RAB22A: variants seen among roughly 807,000 people sequenced by gnomAD.
The protein encoded by RAB22A is ras-related protein Rab-22A.
Under a neutral mutation model 30.2 loss-of-function variants are expected in RAB22A, and 13 were observed. That is an observed-to-expected ratio of 0.43 (90% CI 0.28 to 0.68). The LOEUF (loss-of-function observed/expected upper bound fraction) is 0.68. RAB22A is among the 30% of genes least tolerant of loss of function. The pLI is 0.18. For missense variants in RAB22A, 177 were observed against 246.8 expected, an observed-to-expected ratio of 0.72 and a Z score of 1.89; for synonymous variants, 89 against 87.2, an observed-to-expected ratio of 1.02 and a Z score of -0.11.
rs1410360622 is a variant in RAB22A, at chr20:58,362,387, T to C, written c.*2684T>C. On this transcript the variant is annotated 3_prime_UTR_variant, in exon 7 of 7. Transcript: ENST00000244040. ...ATATTTTCTTTATAATAATTTCTTA[T>C]GGAGAAGAGGCTATATTTCAAAGGA... 6.6e-6 allele frequency: 1 copy of C among 152,248 alleles called. No homozygotes were observed. Among genetic ancestry groups the C allele is most frequent in the East Asian group, 1.9e-4 (1 of 5,200 alleles). 9.4% of individuals were successfully genotyped at this position (152,248 alleles called of 1,614,324 possible). A position where few individuals can be genotyped will look rare whatever the true frequency, so the allele number is the denominator to read the frequency against.
At chr20:58,357,868 G>C (rs1342879176) in intron 6 of RAB22A, among the ~76,000 whole-genome samples, 14 of 152,230 alleles carry the variant, frequency 9.2e-5, no homozygotes, top group Admixed American at 9.2e-4. Flanking sequence ...AGTCAGCGGA[G>C]AGGCCATCTT....
rs779470714 is a variant in RAB22A at position 58,354,190 on chromosome 20, G to A, written c.412G>A (p.Asp138Asn). The part of the protein sequence containing the change: ...VMERDAKDYA[D>N]SIHAIFVETS... ...GGAGAGAGATGCAAAGGACTACGCCGACTCTATTCATGCAATTTTTGTAGA... is the reference window on the plus strand; with the variant it reads ...GGAGAGAGATGCAAAGGACTACGCCAACTCTATTCATGCAATTTTTGTAGA... Residue 138 changes from aspartate (D) to asparagine (N), a missense_variant, in exon 6 of 7, where the codon GAC becomes AAC. By Grantham distance (23) the Asp-to-Asn change is conservative. Transcript: ENST00000244040. 1.1e-5 allele frequency: 17 copies of A among 1,613,534 alleles called. No homozygotes were observed. The highest frequency in any genetic ancestry group is 1.7e-5 in the Admixed American group (1 of 59,964).
chr20:58,320,827 G>A (rs968965739), intron 2 of RAB22A, among the ~76,000 whole-genome samples: 2 of 152,180 alleles, frequency 1.3e-5, no homozygotes, highest in East Asian at 1.9e-4. Context: ...AGGCCAAAGC[G>A]GGTGGATCAC....
At position 58,311,125 on chromosome 20, in the gene RAB22A, A is replaced by G. The variant is rs765330594; in HGVS notation, c.116+3A>G. On this transcript the variant is annotated splice_donor_region_variant and intron_variant, in intron 2 of 6. Transcript: ENST00000244040. ...CCAAACATCAACCCAACAATAGGGT[A>G]AGAGACTTTTATTTGATACACATCT... 17 of 1,572,748 alleles carry G rather than the reference A, an allele frequency of 1.1e-5. No individual in the cohort carries two copies. Among genetic ancestry groups the G allele is most frequent in the Non-Finnish European group, 1.3e-5 (15 of 1,142,424 alleles).
At chr20:58,323,869 C>A (rs1392656334) in intron 2 of RAB22A, among the ~76,000 whole-genome samples, 1 of 151,804 alleles carries the variant, frequency 6.6e-6, no homozygotes, top group Non-Finnish European at 1.5e-5. Flanking sequence ...TGGCTAATCA[C>A]ATAATTATAC....
intron 6 of RAB22A, among the ~76,000 whole-genome samples, chr20:58,354,902 C>G (rs1051896187): frequency 1.6e-4 from 25 of 152,156 alleles, no homozygotes; most frequent in Non-Finnish European, 7.4e-5. Context: ...CAGAGGGAAA[C>G]AGACAGTGAA....
At chr20:58,354,588 A>G (rs1028599393) in intron 6 of RAB22A, among the ~76,000 whole-genome samples, 1 of 152,204 alleles carries the variant, frequency 6.6e-6, no homozygotes, top group African/African-American at 2.4e-5. Context: ...AACAAAATGA[A>G]TAAAGGGAAA....
intron 1 of RAB22A, among the ~76,000 whole-genome samples, chr20:58,310,269 GC>G (rs1165302789): frequency 6.6e-6 from 1 of 151,618 alleles, no homozygotes; most frequent in South Asian, 2.1e-4. Context: ...AGAGCAAACA[GC>G]CCCCCCTTGC....
rs574122876 is a variant in RAB22A at position 58,327,464 on chromosome 20, G to A, written c.117-16254G>A. On this transcript the variant is annotated intron_variant, in intron 2 of 6. Transcript: ENST00000244040. Reference sequence around the variant, plus strand: ...GTTGGCTGGAGGCCTCAGTTCCACAGTTCTTTGCCCTTTGAGCCTCTCCAT... The same window carrying A: ...GTTGGCTGGAGGCCTCAGTTCCACAATTCTTTGCCCTTTGAGCCTCTCCAT... Among the ~76,000 whole-genome samples, 35 of 152,318 alleles carry A rather than the reference G, an allele frequency of 2.3e-4. 1 individual carries two copies. The South Asian group carries it at 5.8e-3, about 25-fold the overall frequency.
intron 3 of RAB22A, among the ~76,000 whole-genome samples, chr20:58,350,507 A>G (rs1389839220): frequency 6.6e-6 from 1 of 152,256 alleles, no homozygotes; most frequent in African/African-American, 2.4e-5. Context: ...CAAACTGCTG[A>G]AAACCAAAGG....
intron 2 of RAB22A, among the ~76,000 whole-genome samples, chr20:58,314,492 G>A (rs945237919): frequency 2.6e-5 from 4 of 152,222 alleles, no homozygotes; most frequent in Admixed American, 2.6e-4. Context: ...GTAAAGGTGT[G>A]AAGCACCTAG....
chr20:58,351,838 A>G (rs1987055978), intron 3 of RAB22A, among the ~76,000 whole-genome samples: 2 of 152,208 alleles, frequency 1.3e-5, no homozygotes, highest in Admixed American at 6.5e-5. Flanking sequence ...ATCCAAATAT[A>G]TTAGTAAATA....
At chr20:58,349,943 C>T (rs898518132) in intron 3 of RAB22A, among the ~76,000 whole-genome samples, 4 of 152,146 alleles carry the variant, frequency 2.6e-5, no homozygotes, top group Non-Finnish European at 4.4e-5. Context: ...ATTTAAAGCA[C>T]ATATTTTACA....
At chr20:58,332,090 T>C (rs1455565181) in intron 2 of RAB22A, among the ~76,000 whole-genome samples, 1 of 152,176 alleles carries the variant, frequency 6.6e-6, no homozygotes, top group Admixed American at 6.5e-5. Context: ...CTCAGTCCTT[T>C]AAACAATCCA....
Position 58,341,834 on chromosome 20 carries a change from A to G in RAB22A, c.117-1884A>G, listed in dbSNP as rs545201639. Reference sequence around the variant, plus strand: ...TCTCAGCTTTTTGTCTACTTGAAATATATTTCTTCTTCCTTTGAGCAGCCA... The same window carrying G: ...TCTCAGCTTTTTGTCTACTTGAAATGTATTTCTTCTTCCTTTGAGCAGCCA... On this transcript the variant is annotated intron_variant, in intron 2 of 6. Coordinates refer to ENST00000244040, the MANE Select transcript of RAB22A (RefSeq NM_020673.3). 6.6e-5 allele frequency among the ~76,000 whole-genome samples: 10 copies of G among 152,286 alleles called. No individual in the cohort carries two copies. In the South Asian group the frequency reaches 1.9e-3, roughly 28 times the overall value.
chr20:58,315,936 C>T (rs1341826407), intron 2 of RAB22A, among the ~76,000 whole-genome samples: 1 of 152,114 alleles, frequency 6.6e-6, no homozygotes, highest in Non-Finnish European at 1.5e-5. Flanking sequence ...GCAGAGGAAC[C>T]CTTCCCTAGC....
chr20:58,337,382 T>C (rs1214432095), intron 2 of RAB22A, among the ~76,000 whole-genome samples: 1 of 152,104 alleles, frequency 6.6e-6, no homozygotes. Context: ...CCCACCTGAG[T>C]AATACAGGGT....
Position 58,363,978 on chromosome 20 carries a change from C to G in RAB22A, c.*4275C>G, listed in dbSNP as rs1326121892. The G allele has an allele frequency of 6.6e-6, 1 of 152,628 alleles. No individual in the cohort carries two copies. The highest frequency in any genetic ancestry group is 1.5e-5 in the Non-Finnish European group (1 of 68,026). The allele number at this position is 152,628 out of a possible 1,614,324, so 9.5% of individuals were successfully genotyped here. ...CGAATTTCTCTTGACAGCGGAGTTGCTTGTCTTGACTTCTAATAATATAAA... is the reference window on the plus strand; with the variant it reads ...CGAATTTCTCTTGACAGCGGAGTTGGTTGTCTTGACTTCTAATAATATAAA... On this transcript the variant is annotated 3_prime_UTR_variant, in exon 7 of 7. Coordinates refer to ENST00000244040, the MANE Select transcript of RAB22A (RefSeq NM_020673.3).
intron 3 of RAB22A, among the ~76,000 whole-genome samples, chr20:58,352,398 G>A (rs1444144283): frequency 6.6e-6 from 1 of 152,076 alleles, no homozygotes; most frequent in Non-Finnish European, 1.5e-5. Flanking sequence ...CATAAGTAGG[G>A]GTCAGGCTTC....
Sources: gnomAD v4.1 joint callset for allele counts (sites outside exome capture counted in the v4.1 genomes callset) on GRCh38, gnomAD v4.1.1 for gene constraint, MANE v1.5 for transcripts, NCBI Gene and HGNC (gene_info 2026-07-23, HGNC 2026-07-21) for gene names.